MSH3: variants seen among roughly 807,000 people sequenced by gnomAD.
The protein encoded by MSH3 is mutS homolog 3.
Under a neutral mutation model 123.3 loss-of-function variants are expected in MSH3, and 106 were observed. That is an observed-to-expected ratio of 0.86 (90% CI 0.73 to 1.01). The LOEUF (loss-of-function observed/expected upper bound fraction) is 1.01. MSH3 is among the 50% of genes least tolerant of loss of function. The probability of loss-of-function intolerance (pLI) is 0.00; values close to 1 mark genes in which losing one functional copy is unlikely to be tolerated. For missense variants in MSH3, 1,459 were observed against 1,347.6 expected, an observed-to-expected ratio of 1.08 and a Z score of -1.29; for synonymous variants, 515 against 481.4, an observed-to-expected ratio of 1.07 and a Z score of -0.91.
chr5:80,831,910 C>G (rs1745424985), intron 20 of MSH3, among the ~76,000 whole-genome samples: 1 of 151,986 alleles, frequency 6.6e-6, no homozygotes, highest in South Asian at 2.1e-4. Flanking sequence ...AGATCGAGAC[C>G]ATCCTGGCTA....
intron 8 of MSH3, among the ~76,000 whole-genome samples, chr5:80,694,023 A>G (rs1580567715): frequency 6.6e-6 from 1 of 152,192 alleles, no homozygotes; most frequent in African/African-American, 2.4e-5. Flanking sequence ...GAGAGTAGCA[A>G]ATGAAGCAAT....
rs144320256 is a variant in MSH3, at chr5:80,805,074, G to A, written c.2656-8510G>A. Among the ~76,000 whole-genome samples, 7 of 152,302 alleles carry A rather than the reference G, an allele frequency of 4.6e-5. No homozygotes were observed. The East Asian group carries it at 9.6e-4, about 21-fold the overall frequency. On this transcript the variant is annotated intron_variant, in intron 19 of 23. Transcript: ENST00000265081. ...CCAAAAGACCCACAGGAATCCACCCGTCATCTCCAGAAAGTGAAGTTTTTA... is the reference window on the plus strand; with the variant it reads ...CCAAAAGACCCACAGGAATCCACCCATCATCTCCAGAAAGTGAAGTTTTTA...
chr5:80,738,479 A>G (rs1266670076), intron 10 of MSH3, among the ~76,000 whole-genome samples: 2 of 152,226 alleles, frequency 1.3e-5, no homozygotes, highest in Non-Finnish European at 2.9e-5. Context: ...GATAATTGGT[A>G]GAACAGGGGA....
At chr5:80,695,087 G>GTTTTTTTTTTTTTTTTT (rs57947652) in intron 8 of MSH3, among the ~76,000 whole-genome samples, 1 of 115,310 alleles carries the variant, frequency 8.7e-6, no homozygotes, top group Non-Finnish European at 1.9e-5. Flanking sequence ...TTTTTTTGTT[G>GTTTTTTTTTTTTTTTTT]TTTTTTTTTT....
At chr5:80,818,086 G>A (rs1408674320) in intron 20 of MSH3, among the ~76,000 whole-genome samples, 1 of 152,086 alleles carries the variant, frequency 6.6e-6, no homozygotes, top group African/African-American at 2.4e-5. Flanking sequence ...AGGTGTGGTG[G>A]CAAGCACCTG....
intron 2 of MSH3, among the ~76,000 whole-genome samples, chr5:80,663,497 T>C (rs1749491808): frequency 6.6e-6 from 1 of 152,150 alleles, no homozygotes; most frequent in African/African-American, 2.4e-5. Context: ...TACTTTTTTT[T>C]TTTTTCCCAG....
chr5:80,725,439 C>G lies in MSH3; in HGVS notation c.1341-14C>G. On this transcript the variant is annotated splice_polypyrimidine_tract_variant and intron_variant, in intron 8 of 23. Transcript: ENST00000265081. ...TGGATAAGTTATCTTTGAAATTTTC[C>G]TTTTTTCTTTCAGTGTGCAGGATGA... 1 of 1,595,780 alleles carries G rather than the reference C, an allele frequency of 6.3e-7. No individual in the cohort carries two copies. The highest frequency in any genetic ancestry group is 8.6e-7 in the Non-Finnish European group (1 of 1,164,286).
At chr5:80,809,654 C>T (rs1025946982) in intron 19 of MSH3, among the ~76,000 whole-genome samples, 3 of 152,186 alleles carry the variant, frequency 2.0e-5, no homozygotes, top group Non-Finnish European at 2.9e-5. Flanking sequence ...GCATGACACA[C>T]GTAACCCTTC....
chr5:80,669,556 C>G (rs1393286833), intron 3 of MSH3, among the ~76,000 whole-genome samples: 2 of 152,094 alleles, frequency 1.3e-5, no homozygotes, highest in Admixed American at 6.5e-5. Flanking sequence ...TTTAACAGCT[C>G]TTTCTCATGT....
chr5:80,748,139 A>G (rs1201383523), intron 12 of MSH3, among the ~76,000 whole-genome samples: 5 of 152,162 alleles, frequency 3.3e-5, no homozygotes, highest in African/African-American at 1.2e-4. Context: ...AATAATGCAG[A>G]TCTCCCCAGG....
At chr5:80,661,032 C>T (rs905495164) in intron 2 of MSH3, among the ~76,000 whole-genome samples, 5 of 152,116 alleles carry the variant, frequency 3.3e-5, no homozygotes, top group African/African-American at 7.2e-5. Context: ...CTCCTGACCT[C>T]GTGATCTACC....
rs150650391 is a variant in MSH3 at position 80,781,620 on chromosome 5, C to T, written c.2435+2784C>T. Among the ~76,000 whole-genome samples the T allele has an allele frequency of 1.6e-4, 24 of 152,226 alleles. No individual in the cohort carries two copies. The East Asian group carries it at 2.1e-3, about 13-fold the overall frequency. On this transcript the variant is annotated intron_variant, in intron 17 of 23. Transcript: ENST00000265081. ...TAGCTGGGACCACAGGCATGCAGTG[C>T]CACACCTGGCTAATTTTTAAGTGTT...
chr5:80,666,178 G>T (rs1233233666), intron 3 of MSH3, among the ~76,000 whole-genome samples: 1 of 152,120 alleles, frequency 6.6e-6, no homozygotes, highest in Non-Finnish European at 1.5e-5. Flanking sequence ...TCCCACCTTA[G>T]CCTGCAGATG....
chr5:80,785,550 G>A lies in MSH3; in HGVS notation c.2436-2015G>A, dbSNP rs563246929. On this transcript the variant is annotated intron_variant, in intron 17 of 23. Coordinates refer to ENST00000265081, the MANE Select transcript of MSH3 (RefSeq NM_002439.5). ...CAACCATTGTGGAAGTCAGTGTGGC[G>A]ATTCCTCAGGGATCTAGAACTAGAA... Among the ~76,000 whole-genome samples the A allele has an allele frequency of 1.5e-4, 23 of 152,210 alleles. No individual in the cohort carries two copies. In the East Asian group the frequency reaches 1.9e-3, roughly 13 times the overall value.
At chr5:80,839,506 G>A (rs1389133077) in intron 20 of MSH3, among the ~76,000 whole-genome samples, 2 of 152,144 alleles carry the variant, frequency 1.3e-5, no homozygotes, top group Non-Finnish European at 2.9e-5. Context: ...AAATTTTATA[G>A]CCATCCTAGA....
intron 20 of MSH3, among the ~76,000 whole-genome samples, chr5:80,839,641 A>T (rs539527884): frequency 1.3e-5 from 2 of 152,212 alleles, no homozygotes; most frequent in South Asian, 4.2e-4. Context: ...TGCTTGGGGG[A>T]TGAGAAAGGG....
chr5:80,746,373 C>G, intron 12 of MSH3: 1 of 402,496 alleles, frequency 2.5e-6, no homozygotes, highest in Non-Finnish European at 4.9e-6. Context: ...CTTGGCATAC[C>G]TGGGTTTCCT....
chr5:80,678,902 A>G (rs1334937827), intron 7 of MSH3, 25 bp from the exon 8 acceptor site: 2 of 1,613,552 alleles, frequency 1.2e-6, no homozygotes, highest in African/African-American at 1.3e-5. Context: ...TTTTTCTGTA[A>G]CATTATATTT....
chr5:80,676,301 G>A (rs1749837514), intron 7 of MSH3, among the ~76,000 whole-genome samples: 1 of 152,312 alleles, frequency 6.6e-6, no homozygotes, highest in Non-Finnish European at 1.5e-5. Flanking sequence ...AAAATGTTAG[G>A]ATTACAGGCG....
Sources: gnomAD v4.1 joint callset for allele counts (sites outside exome capture counted in the v4.1 genomes callset) on GRCh38, gnomAD v4.1.1 for gene constraint, MANE v1.5 for transcripts, NCBI Gene and HGNC (gene_info 2026-07-23, HGNC 2026-07-21) for gene names.